The following THADA variants were observed in gnomAD, a reference collection of about 807,000 sequenced individuals.
THADA encodes the protein tRNA (32-2'-O)-methyltransferase regulator THADA.
A neutral mutation model predicts 219.8 loss-of-function variants in THADA; 213 were observed. That is an observed-to-expected ratio of 0.97 (90% CI 0.87 to 1.09). The LOEUF is 1.09. THADA is among the 50% of genes least tolerant of loss of function. The pLI, the probability that THADA is intolerant of heterozygous loss-of-function variation, is 0.00. For synonymous variants in THADA, 1,018 were observed against 828.9 expected, an observed-to-expected ratio of 1.23 and a Z score of -3.92; for missense variants, 2,956 against 2,311.3, an observed-to-expected ratio of 1.28 and a Z score of -5.72.
intron 16 of THADA, 57 bp downstream of exon 16, chr2:43,560,177 C>G: frequency 6.9e-7 from 1 of 1,459,584 alleles, no homozygotes; most frequent in South Asian, 1.3e-5. Flanking sequence ...ATTGCTTTAT[C>G]TGCTGATAGA....
intron 28 of THADA, among the ~76,000 whole-genome samples, chr2:43,401,186 C>T (rs551541344): frequency 6.6e-6 from 1 of 152,312 alleles, no homozygotes; most frequent in South Asian, 2.1e-4. Flanking sequence ...AAACCTCTAG[C>T]CCTCTCACTT....
chr2:43,404,375 CTTTTTTTTTTTTT>C (rs905817751), intron 28 of THADA, among the ~76,000 whole-genome samples: 2 of 130,920 alleles, frequency 1.5e-5, no homozygotes, highest in African/African-American at 5.6e-5. Flanking sequence ...TTTTTCTTTT[CTTTTTTTTTTTTT>C]TTTTTAAAGT....
intron 28 of THADA, among the ~76,000 whole-genome samples, chr2:43,420,708 G>T (rs913816019): frequency 6.6e-6 from 1 of 152,164 alleles, no homozygotes; most frequent in Non-Finnish European, 1.5e-5. Flanking sequence ...AAAGAGATCT[G>T]GCACCAGAAA....
At chr2:43,499,024 A>G in intron 24 of THADA, 69 bp from the exon 25 acceptor site, 1 of 1,465,914 alleles carries the variant, frequency 6.8e-7, no homozygotes, top group Non-Finnish European at 9.1e-7. Flanking sequence ...ACACATATCC[A>G]ATAGTACAGC....
chr2:43,564,898 G>T (rs1391560680), intron 15 of THADA: 1 of 152,110 alleles, frequency 6.6e-6, no homozygotes, highest in Non-Finnish European at 1.5e-5. Context: ...CCAGATTAAA[G>T]GAAGCTAAAA....
intron 36 of THADA, chr2:43,233,158 A>G (rs1267140203): frequency 2.5e-6 from 1 of 398,664 alleles, no homozygotes; most frequent in Admixed American, 3.7e-5. Flanking sequence ...TTAGAGAGTT[A>G]TCTCCCCTCT....
intron 15 of THADA, chr2:43,566,352 C>A (rs1698677519): frequency 3.4e-6 from 2 of 590,736 alleles, no homozygotes; most frequent in Non-Finnish European, 3.0e-6. Flanking sequence ...ATAATAGAAG[C>A]TATTATTATT....
intron 29 of THADA, among the ~76,000 whole-genome samples, chr2:43,357,987 T>C (rs1270531335): frequency 2.0e-5 from 3 of 152,188 alleles, no homozygotes; most frequent in Admixed American, 1.3e-4. Flanking sequence ...CTTCCTCCAA[T>C]GGTGATACCT....
intron 36 of THADA, among the ~76,000 whole-genome samples, chr2:43,241,046 G>A (rs1024198811): frequency 2.6e-5 from 4 of 152,010 alleles, no homozygotes; most frequent in Non-Finnish European, 4.4e-5. Context: ...TTAAGTCTGG[G>A]GGGAATTCAG....
chr2:43,581,559 G>A (rs201531041), intron 8 of THADA, among the ~76,000 whole-genome samples, 182 bp downstream of exon 8: 293 of 116,770 alleles, frequency 2.5e-3, no homozygotes, highest in East Asian at 4.2e-3. Flanking sequence ...AAAAAAAAAA[G>A]AAAAGAAAAA....
chr2:43,367,405 T>C (rs377062718), intron 29 of THADA, among the ~76,000 whole-genome samples: 2 of 152,224 alleles, frequency 1.3e-5, no homozygotes, highest in East Asian at 3.8e-4. Context: ...TTGTAGACTG[T>C]ATTCAGTAAT....
At chr2:43,525,984 A>T (rs1254625997) in intron 22 of THADA, among the ~76,000 whole-genome samples, 1 of 152,200 alleles carries the variant, frequency 6.6e-6, no homozygotes, top group Non-Finnish European at 1.5e-5. Flanking sequence ...CAACCAGAAA[A>T]CTGCTTTTAC....
chr2:43,284,648 C>T (rs576763541), intron 35 of THADA, among the ~76,000 whole-genome samples: 2 of 152,234 alleles, frequency 1.3e-5, no homozygotes, highest in African/African-American at 2.4e-5. Flanking sequence ...AGCCCTCACA[C>T]AGAGTTCCCA....
rs756091282 is a variant in THADA, at chr2:43,590,821, T to C, written c.302+3A>G. 2 of 1,610,872 alleles carry C rather than the reference T, an allele frequency of 1.2e-6. No individual in the cohort carries two copies. Among genetic ancestry groups the C allele is most frequent in the Admixed American group, 3.4e-5 (2 of 59,432 alleles). On this transcript the variant is annotated splice_donor_region_variant and intron_variant, in intron 4 of 37. Transcript: ENST00000405975. ...ACCCAACTTCCCTTCCTTTTTTTCT[T>C]ACCTTGCCAATACTTTCTTCAAGGG... is the stretch of plus-strand genomic sequence containing the variant.
At position 43,581,836 on chromosome 2, in the gene THADA, T is replaced by C; in HGVS notation, c.626A>G (p.Gln209Arg). ...CTTCCAAAGATTTCCCTGGAAATCT[T>C]GTACTTTCTGTACTAACATCATTGA... is the stretch of plus-strand genomic sequence containing the variant. ...RVSMMLVQKV[Q>R]DFQGNLWKTS... The change falls in exon 8 of 38, where the codon CAA becomes CGA. Residue 209 changes from glutamine (Q) to arginine (R), a missense_variant. Physicochemically the swap from Gln to Arg is conservative, Grantham distance 43. Coordinates refer to ENST00000405975, the MANE Select transcript of THADA (RefSeq NM_022065.5). The C allele has an allele frequency of 6.2e-7, 1 of 1,613,058 alleles. No homozygotes were observed. Among genetic ancestry groups the C allele is most frequent in the Non-Finnish European group, 8.5e-7 (1 of 1,179,690 alleles).
Position 43,485,279 on chromosome 2 carries a change from A to C in THADA, c.3791T>G (p.Ile1264Ser). The change falls in exon 26 of 38, where the codon ATT becomes AGT. Residue 1264 changes from isoleucine to serine, a missense_variant. Physicochemically the swap from Ile to Ser is moderately radical, Grantham distance 142 (BLOSUM62 -2). Coordinates refer to ENST00000405975, the MANE Select transcript of THADA (RefSeq NM_022065.5). ...ATCCTTTGCCCTTTTAACTCCAAAA[A>C]TTCTTGTGATCAAGGCACTAAAGAG... ...TLLFSALITR[I>S]FGVKRAKDEH... 6.2e-7 allele frequency: 1 copy of C among 1,613,240 alleles called. No individual in the cohort carries two copies. The highest frequency in any genetic ancestry group is 1.1e-5 in the South Asian group (1 of 91,046).
At chr2:43,318,629 T>G (rs909188000) in intron 31 of THADA, among the ~76,000 whole-genome samples, 1 of 152,208 alleles carries the variant, frequency 6.6e-6, no homozygotes, top group Non-Finnish European at 1.5e-5. Context: ...GAGCTATGGT[T>G]GTCATACTAG....
At chr2:43,443,337 G>A (rs1466635058) in intron 26 of THADA, among the ~76,000 whole-genome samples, 1 of 152,208 alleles carries the variant, frequency 6.6e-6, no homozygotes, top group African/African-American at 2.4e-5. Flanking sequence ...AGGTATAAAT[G>A]TAGTGGCATT....
intron 16 of THADA, 24 bp downstream of exon 16, chr2:43,560,210 T>C (rs1216437442): frequency 6.3e-7 from 1 of 1,599,508 alleles, no homozygotes; most frequent in Middle Eastern, 1.7e-4. Context: ...ATATACCACA[T>C]TTATACTAGA....
Sources: gnomAD v4.1 joint callset for allele counts (sites outside exome capture counted in the v4.1 genomes callset) on GRCh38, gnomAD v4.1.1 for gene constraint, MANE v1.5 for transcripts, NCBI Gene and HGNC (gene_info 2026-07-23, HGNC 2026-07-21) for gene names.